NFAT5: variants seen among roughly 807,000 people sequenced by gnomAD.
NFAT5 encodes the protein nuclear factor of activated T cells 5.
NFAT5 carries 31 observed loss-of-function variants against 166.5 expected under a neutral mutation model. The observed-to-expected ratio is 0.19, with a 90% CI of 0.14 to 0.25. The LOEUF (loss-of-function observed/expected upper bound fraction) is 0.25. Ranked by LOEUF, NFAT5 falls within the 10% of genes least tolerant of loss-of-function variation. NFAT5 has a pLI of 1.00. For synonymous variants in NFAT5, 612 were observed against 639.7 expected (o/e 0.96, Z 0.65); for missense variants, 1,449 against 1,821.8 (o/e 0.80, Z 3.72).
chr16:69,675,266 T>C (rs1332303146), intron 9 of NFAT5, among the ~76,000 whole-genome samples: 1 of 152,262 alleles, frequency 6.6e-6, no homozygotes, highest in South Asian at 2.1e-4. Flanking sequence ...AACAAGTTTT[T>C]ATTCAAAAGA....
Position 69,704,078 on chromosome 16 carries a change from C to G in NFAT5, c.*7727C>G, listed in dbSNP as rs1415025528. Reference sequence around the variant, plus strand: ...GAAGAGTGGGCTTGGAATCAGACTTCTGTGTCCAGTAAAAAACTCCTGCAC... The same window carrying G: ...GAAGAGTGGGCTTGGAATCAGACTTGTGTGTCCAGTAAAAAACTCCTGCAC... On this transcript the variant is annotated 3_prime_UTR_variant, in exon 15 of 15. Transcript: ENST00000349945. 1 of 152,610 alleles carries G rather than the reference C, an allele frequency of 6.6e-6. No homozygotes were observed. Among genetic ancestry groups the G allele is most frequent in the African/African-American group, 2.4e-5 (1 of 41,442 alleles). The allele number at this position is 152,610 out of a possible 1,614,324, so 9.5% of individuals were successfully genotyped here.
At chr16:69,644,512 G>A (rs1439752356) in intron 3 of NFAT5, among the ~76,000 whole-genome samples, 2 of 152,168 alleles carry the variant, frequency 1.3e-5, no homozygotes, top group Admixed American at 6.5e-5. Flanking sequence ...ACACAATCGT[G>A]TGTTAGCTGT....
At chr16:69,569,850 C>A (rs1197392500) in intron 2 of NFAT5, among the ~76,000 whole-genome samples, 2 of 152,098 alleles carry the variant, frequency 1.3e-5, no homozygotes, top group Non-Finnish European at 2.9e-5. Flanking sequence ...GTATGAAAAT[C>A]AAATATTTTT....
chr16:69,569,633 CT>C (rs1263468237), intron 2 of NFAT5, among the ~76,000 whole-genome samples: 1 of 152,166 alleles, frequency 6.6e-6, no homozygotes, highest in Non-Finnish European at 1.5e-5. Flanking sequence ...AATATTCTTC[CT>C]GTTAAAATGT....
chr16:69,628,066 T>G (rs2034545943), intron 3 of NFAT5, among the ~76,000 whole-genome samples: 1 of 152,080 alleles, frequency 6.6e-6, no homozygotes, highest in South Asian at 2.1e-4. Context: ...TAACATCTGT[T>G]GACGGTAGAT....
rs1428986775 is a variant in NFAT5 at position 69,688,392 on chromosome 16, T to A, written c.1775-2548T>A. On this transcript the variant is annotated intron_variant, in intron 11 of 14. Coordinates refer to ENST00000349945, the MANE Select transcript of NFAT5 (RefSeq NM_138713.4). Reference sequence around the variant, plus strand: ...TATTTTTATTTATTATTATTATTATTTGAGATGGAGTCTTGCTTTGTTGCC... The same window carrying A: ...TATTTTTATTTATTATTATTATTATATGAGATGGAGTCTTGCTTTGTTGCC... Among the ~76,000 whole-genome samples, 7 of 151,848 alleles carry A rather than the reference T, an allele frequency of 4.6e-5. No homozygotes were observed. The East Asian group carries it at 1.2e-3, about 25-fold the overall frequency.
chr16:69,688,825 A>G (rs1225013860), intron 11 of NFAT5, among the ~76,000 whole-genome samples: 1 of 152,138 alleles, frequency 6.6e-6, no homozygotes, highest in Non-Finnish European at 1.5e-5. Context: ...CACAGAGCTC[A>G]TGATCTAATG....
At chr16:69,664,380 G>A (rs774022158) in intron 7 of NFAT5, among the ~76,000 whole-genome samples, 9 of 152,168 alleles carry the variant, frequency 5.9e-5, no homozygotes, top group Non-Finnish European at 1.3e-4. Flanking sequence ...CACCTCCGGG[G>A]TTCACACCAT....
intron 2 of NFAT5, among the ~76,000 whole-genome samples, chr16:69,591,395 T>C (rs1420293854): frequency 6.6e-6 from 1 of 152,202 alleles, no homozygotes; most frequent in Non-Finnish European, 1.5e-5. Flanking sequence ...TTTACTGTTT[T>C]ATGAAACATG....
chr16:69,576,686 G>T (rs2016776947), intron 2 of NFAT5, among the ~76,000 whole-genome samples: 2 of 152,016 alleles, frequency 1.3e-5, no homozygotes, highest in South Asian at 4.1e-4. Context: ...CCTGGGCAAC[G>T]TAGCAAAACC....
chr16:69,604,728 C>G (rs1286681192), intron 2 of NFAT5, among the ~76,000 whole-genome samples: 1 of 152,202 alleles, frequency 6.6e-6, no homozygotes, highest in Non-Finnish European at 1.5e-5. Context: ...TCTTCAATCT[C>G]CCCTGCCCGC....
Position 69,690,941 on chromosome 16 carries a change from A to G in NFAT5, c.1776A>G (p.Ala592=). The stretch of plus-strand genomic sequence containing the variant: ...CTTTTTGTGTGTGTGTATATGCAGC[A>G]ATGAAAACTACTGGATGTAATTTAG... The part of the protein sequence containing the change: ...RPCSFEEAMK[A]MKTTGCNLDK... The change falls in exon 12 of 15, where the codon GCA becomes GCG. Residue 592 remains alanine, a splice_region_variant and synonymous_variant. Transcript: ENST00000349945. 1 of 1,531,782 alleles carries G rather than the reference A, an allele frequency of 6.5e-7. No individual in the cohort carries two copies. The highest frequency in any genetic ancestry group is 2.4e-5 in the East Asian group (1 of 42,072). The allele number at this position is 1,531,782 out of a possible 1,614,324, so 94.9% of individuals were successfully genotyped here.
intron 7 of NFAT5, among the ~76,000 whole-genome samples, chr16:69,664,534 C>G (rs1439678368): frequency 2.0e-5 from 3 of 152,130 alleles, no homozygotes; most frequent in African/African-American, 7.2e-5. Context: ...ATCCGCCTGC[C>G]TCGGCCTCTC....
chr16:69,573,430 CT>C (rs1243752881), intron 2 of NFAT5, among the ~76,000 whole-genome samples: 11 of 152,032 alleles, frequency 7.2e-5, no homozygotes, highest in Non-Finnish European at 2.9e-5. Context: ...ACAAAGATAC[CT>C]TTTTGGAAAG....
chr16:69,586,158 AT>A lies in NFAT5; in HGVS notation c.127+17611del, dbSNP rs144196358. Among the ~76,000 whole-genome samples, 176 of 152,308 alleles carry A rather than the reference AT, an allele frequency of 1.2e-3. 3 individuals are homozygous for A. The East Asian group carries it at 0.027, about 24-fold the overall frequency. On this transcript the variant is annotated intron_variant, in intron 2 of 14. Transcript: ENST00000349945. ...TATTTTCATTTTTGCATTTAAAAGA[AT>A]ATAGTGTTTTAGTTGTCTGTCATTT...
chr16:69,627,961 A>G (rs1449911554), intron 3 of NFAT5, among the ~76,000 whole-genome samples: 8 of 152,172 alleles, frequency 5.3e-5, no homozygotes, highest in Non-Finnish European at 8.8e-5. Context: ...ACAAGTAGAA[A>G]TTGACTAACT....
intron 7 of NFAT5, among the ~76,000 whole-genome samples, chr16:69,662,959 G>T (rs1250190888): frequency 6.6e-6 from 1 of 152,096 alleles, no homozygotes; most frequent in Non-Finnish European, 1.5e-5. Flanking sequence ...TAAAATGTTT[G>T]TTCCATTATA....
intron 2 of NFAT5, among the ~76,000 whole-genome samples, chr16:69,604,933 G>A (rs2033325751): frequency 1.3e-5 from 2 of 152,116 alleles, no homozygotes; most frequent in Admixed American, 6.6e-5. Flanking sequence ...ACCACAATTT[G>A]TGTTACCTAT....
At chr16:69,690,821 T>C in intron 11 of NFAT5, 119 bp from the exon 12 acceptor site, 1 of 797,808 alleles carries the variant, frequency 1.3e-6, no homozygotes, top group South Asian at 2.6e-5. Flanking sequence ...TATCTCATGC[T>C]ACCATTGTAG....
Sources: gnomAD v4.1 joint callset for allele counts (sites outside exome capture counted in the v4.1 genomes callset) on GRCh38, gnomAD v4.1.1 for gene constraint, MANE v1.5 for transcripts, NCBI Gene and HGNC (gene_info 2026-07-23, HGNC 2026-07-21) for gene names.